NCAM2: variants seen among roughly 807,000 people sequenced by gnomAD.
NCAM2 encodes the protein N-CAM-2.
In NCAM2, 30 loss-of-function variants were observed where a neutral mutation model predicts 98.1. That is an observed-to-expected ratio of 0.31 (90% CI 0.23 to 0.41). NCAM2 has a LOEUF of 0.41. NCAM2 is among the 10% of genes least tolerant of loss of function. The pLI, the probability that NCAM2 is intolerant of heterozygous loss-of-function variation, is 1.00. For synonymous variants in NCAM2, 368 were observed against 342.4 expected (o/e 1.07, Z -0.83); for missense variants, 867 against 1,005.8 (o/e 0.86, Z 1.87).
At chr21:21,173,504 A>G (rs2068186384) in intron 1 of NCAM2, among the ~76,000 whole-genome samples, 1 of 152,212 alleles carries the variant, frequency 6.6e-6, no homozygotes, top group South Asian at 2.1e-4. Flanking sequence ...CACTTAGTGA[A>G]CCTTGAAAGA....
intron 12 of NCAM2, among the ~76,000 whole-genome samples, chr21:21,438,068 G>A (rs532894889): frequency 4.4e-4 from 67 of 152,084 alleles, no homozygotes; most frequent in African/African-American, 1.5e-3. Flanking sequence ...ATAGATTTAG[G>A]TTTATCTCTG....
intron 16 of NCAM2, among the ~76,000 whole-genome samples, chr21:21,515,138 C>T (rs1273778950): frequency 6.6e-6 from 1 of 152,100 alleles, no homozygotes; most frequent in African/African-American, 2.4e-5. Flanking sequence ...AAGCAACAAG[C>T]CAATAATAAC....
chr21:21,344,752 T>G (rs1048697641), intron 8 of NCAM2, among the ~76,000 whole-genome samples: 6 of 152,136 alleles, frequency 3.9e-5, no homozygotes, highest in Non-Finnish European at 8.8e-5. Flanking sequence ...TGCCTCCTGC[T>G]GATTGTAGAG....
intron 1 of NCAM2, among the ~76,000 whole-genome samples, chr21:21,117,133 A>G (rs2066579305): frequency 6.6e-6 from 1 of 152,224 alleles, no homozygotes; most frequent in African/African-American, 2.4e-5. Flanking sequence ...TATATCCAGC[A>G]CCACTCATGC....
intron 10 of NCAM2, among the ~76,000 whole-genome samples, chr21:21,414,690 C>T (rs575147222): frequency 6.6e-6 from 1 of 151,900 alleles, no homozygotes; most frequent in Non-Finnish European, 1.5e-5. Flanking sequence ...AGGATGGTCT[C>T]CATCTCCTGA....
intron 1 of NCAM2, chr21:21,210,777 TACTAGA>T: frequency 1.9e-6 from 1 of 533,552 alleles, no homozygotes; most frequent in Non-Finnish European, 2.8e-6. Flanking sequence ...ACATCTTATT[TACTAGA>T]ACTCCCCTAG....
At chr21:21,123,378 CAG>C (rs1341192102) in intron 1 of NCAM2, among the ~76,000 whole-genome samples, 4 of 143,558 alleles carry the variant, frequency 2.8e-5, no homozygotes, top group South Asian at 2.3e-4. Context: ...GCCTGGGAGA[CAG>C]AGCGAAGAGA....
intron 12 of NCAM2, among the ~76,000 whole-genome samples, chr21:21,453,387 A>G (rs1981631226): frequency 6.6e-6 from 1 of 151,880 alleles, no homozygotes. Context: ...CCTGCCTGGA[A>G]TGGCATGATC....
intron 5 of NCAM2, among the ~76,000 whole-genome samples, chr21:21,299,734 A>C (rs2073640227): frequency 6.6e-6 from 1 of 151,832 alleles, no homozygotes; most frequent in South Asian, 2.1e-4. Flanking sequence ...GAGATCTCAT[A>C]GTACTAGGTC....
intron 4 of NCAM2, among the ~76,000 whole-genome samples, chr21:21,288,260 G>A (rs1274621281): frequency 6.6e-6 from 1 of 151,952 alleles, no homozygotes; most frequent in East Asian, 1.9e-4. Flanking sequence ...CCACGAATGT[G>A]GAATCCATGG....
intron 1 of NCAM2, among the ~76,000 whole-genome samples, chr21:21,008,282 C>T (rs1330112305): frequency 2.0e-5 from 3 of 152,134 alleles, no homozygotes; most frequent in Admixed American, 1.3e-4. Flanking sequence ...GAAAAACTGG[C>T]TTCATGCTAC....
At chr21:21,522,219 A>G (rs1989059713) in intron 16 of NCAM2, among the ~76,000 whole-genome samples, 1 of 148,018 alleles carries the variant, frequency 6.8e-6, no homozygotes, top group Non-Finnish European at 1.5e-5. Context: ...TTATATATGA[A>G]TGACTATTAT....
intron 1 of NCAM2, among the ~76,000 whole-genome samples, chr21:21,075,514 G>A (rs1218980349): frequency 6.6e-6 from 1 of 152,066 alleles, no homozygotes; most frequent in Non-Finnish European, 1.5e-5. Flanking sequence ...AAATGGCGAG[G>A]ACAGATGTAT....
At chr21:21,003,222 G>A (rs1325493926) in intron 1 of NCAM2, among the ~76,000 whole-genome samples, 1 of 152,072 alleles carries the variant, frequency 6.6e-6, no homozygotes, top group African/African-American at 2.4e-5. Context: ...GAAACATCTT[G>A]AATTTAAATC....
At chr21:21,467,382 T>TTA (rs34963977) in intron 13 of NCAM2, among the ~76,000 whole-genome samples, 2,901 of 143,710 alleles carry the variant, frequency 0.02, 28 homozygotes, top group South Asian at 0.042. Context: ...ATATATATCT[T>TTA]TATATATATA....
In NCAM2 at chr21:21,524,618, A is replaced by C. The variant is rs9980175; in HGVS notation, c.2283-9919A>C. On this transcript the variant is annotated intron_variant, in intron 16 of 17. Transcript: ENST00000400546. ...GGAAAATTTGGGAAAAAAGAGAAAAAAATAAAATCAGTAAGGACGTTGCTT... is the reference window on the plus strand; with the variant it reads ...GGAAAATTTGGGAAAAAAGAGAAAACAATAAAATCAGTAAGGACGTTGCTT... 4.4e-3 allele frequency among the ~76,000 whole-genome samples: 676 copies of C among 152,062 alleles called. 6 individuals carry two copies. Among genetic ancestry groups the C allele is most frequent in the African/African-American group, 0.016 (656 of 41,518 alleles).
At chr21:21,351,117 C>CAAAAAAAAAAA (rs61586915) in intron 8 of NCAM2, among the ~76,000 whole-genome samples, 1 of 83,754 alleles carries the variant, frequency 1.2e-5, no homozygotes, top group African/African-American at 4.9e-5. Context: ...GACTCTGTCT[C>CAAAAAAAAAAA]AAAAAAAAAA....
At chr21:21,169,750 A>T (rs1435214335) in intron 1 of NCAM2, among the ~76,000 whole-genome samples, 1 of 152,182 alleles carries the variant, frequency 6.6e-6, no homozygotes, top group East Asian at 1.9e-4. Flanking sequence ...AAAGTTTGAA[A>T]CCAGCCTGGG....
intron 1 of NCAM2, among the ~76,000 whole-genome samples, chr21:21,174,535 C>A (rs2068222064): frequency 6.6e-6 from 1 of 152,088 alleles, no homozygotes; most frequent in Non-Finnish European, 1.5e-5. Context: ...ATGACTAGTG[C>A]TGTCTAAGGG....
Sources: gnomAD v4.1 joint callset for allele counts (sites outside exome capture counted in the v4.1 genomes callset) on GRCh38, gnomAD v4.1.1 for gene constraint, MANE v1.5 for transcripts, NCBI Gene and HGNC (gene_info 2026-07-23, HGNC 2026-07-21) for gene names.